The following KHDRBS2 variants were observed in gnomAD, a reference collection of about 807,000 sequenced individuals.
KHDRBS2 encodes the protein KH RNA binding domain containing, signal transduction associated 2, also known as KH domain-containing, RNA-binding, signal transduction-associated protein 2.
KHDRBS2 carries 26 observed loss-of-function variants against 44.3 expected under a neutral mutation model. The observed-to-expected ratio is 0.59, with a 90% CI of 0.43 to 0.81. The LOEUF is 0.81. Ranked by LOEUF, KHDRBS2 falls within the 40% of genes least tolerant of loss-of-function variation. The pLI, the probability that KHDRBS2 is intolerant of heterozygous loss-of-function variation, is 0.00. For missense variants in KHDRBS2, 476 were observed against 433.1 expected (o/e 1.10, Z -0.88); for synonymous variants, 194 against 151.1 (o/e 1.28, Z -2.08).
chr6:61,989,475 A>G (rs1197863547), intron 3 of KHDRBS2, among the ~76,000 whole-genome samples: 1 of 152,232 alleles, frequency 6.6e-6, no homozygotes, highest in African/African-American at 2.4e-5. Flanking sequence ...ATGTTTGACA[A>G]ATGGTGCTGT....
chr6:61,971,576 GA>G (rs1169989154), intron 4 of KHDRBS2, among the ~76,000 whole-genome samples: 1 of 152,060 alleles, frequency 6.6e-6, no homozygotes, highest in Non-Finnish European at 1.5e-5. Context: ...CTGTGAAATA[GA>G]ATCTTTGGCT....
chr6:62,202,465 G>A (rs534336599), intron 1 of KHDRBS2, among the ~76,000 whole-genome samples: 11 of 152,038 alleles, frequency 7.2e-5, no homozygotes, highest in African/African-American at 2.7e-4. Flanking sequence ...TAAGACAAAA[G>A]TATTATGCTG....
At chr6:62,171,549 G>A (rs1820005798) in intron 2 of KHDRBS2, among the ~76,000 whole-genome samples, 1 of 152,096 alleles carries the variant, frequency 6.6e-6, no homozygotes, top group African/African-American at 2.4e-5. Flanking sequence ...AACCTTGCGA[G>A]AGGCCAACAT....
intron 8 of KHDRBS2, among the ~76,000 whole-genome samples, chr6:61,693,521 G>T (rs1767586774): frequency 6.6e-6 from 1 of 152,142 alleles, no homozygotes; most frequent in South Asian, 2.1e-4. Flanking sequence ...TGTGCAAAAA[G>T]AGGAATGAAA....
At chr6:61,965,591 TAAG>T (rs1277271596) in intron 4 of KHDRBS2, among the ~76,000 whole-genome samples, 1 of 152,042 alleles carries the variant, frequency 6.6e-6, no homozygotes, top group East Asian at 1.9e-4. Context: ...TCTGATATTC[TAAG>T]AAGAGTCACT....
chr6:61,568,217 G>T, the KHDRBS2 span, among the ~76,000 whole-genome samples: 1 of 152,148 alleles, frequency 6.6e-6, no homozygotes, highest in Non-Finnish European at 1.5e-5. Flanking sequence ...TTTTATGCCA[G>T]TACTTTGTTG....
intron 6 of KHDRBS2, among the ~76,000 whole-genome samples, chr6:61,838,863 C>T (rs903029840): frequency 1.3e-5 from 2 of 152,020 alleles, no homozygotes; most frequent in Non-Finnish European, 2.9e-5. Flanking sequence ...CATACATTCG[C>T]TTGTTTTGCA....
chr6:62,168,807 T>C (rs897983656), intron 2 of KHDRBS2, among the ~76,000 whole-genome samples: 4 of 151,852 alleles, frequency 2.6e-5, no homozygotes, highest in African/African-American at 7.3e-5. Flanking sequence ...GTTCCTATGC[T>C]ACAAACAACT....
chr6:61,912,461 T>A (rs1408200091), intron 4 of KHDRBS2, among the ~76,000 whole-genome samples: 1 of 152,200 alleles, frequency 6.6e-6, no homozygotes, highest in East Asian at 1.9e-4. Flanking sequence ...TCAATGGTTG[T>A]AAATTGTATT....
At chr6:62,111,696 ATATAGTAAGAC>A (rs1320834233) in intron 2 of KHDRBS2, among the ~76,000 whole-genome samples, 1 of 152,056 alleles carries the variant, frequency 6.6e-6, no homozygotes, top group Non-Finnish European at 1.5e-5. Flanking sequence ...AACCTGGGAA[ATATAGTAAGAC>A]CCTATATCTA....
chr6:61,853,753 C>A (rs1410673168), intron 6 of KHDRBS2, among the ~76,000 whole-genome samples: 1 of 152,154 alleles, frequency 6.6e-6, no homozygotes, highest in African/African-American at 2.4e-5. Context: ...CATGAAAAAT[C>A]AAGGTGGATG....
chr6:61,703,075 A>C (rs550582477), intron 7 of KHDRBS2, among the ~76,000 whole-genome samples: 1 of 151,996 alleles, frequency 6.6e-6, no homozygotes, highest in East Asian at 1.9e-4. Flanking sequence ...AACCTTAATC[A>C]CTATATTTCT....
intron 6 of KHDRBS2, among the ~76,000 whole-genome samples, chr6:61,893,809 TA>T (rs575145811): frequency 1.3e-3 from 191 of 152,140 alleles, no homozygotes; most frequent in African/African-American, 4.5e-3. Context: ...AATGATGAGT[TA>T]ATGGGTGCAG....
intron 2 of KHDRBS2, among the ~76,000 whole-genome samples, chr6:62,072,584 ATCTATTG>A (rs1229509349): frequency 1.3e-5 from 2 of 152,166 alleles, no homozygotes; most frequent in African/African-American, 2.4e-5. Context: ...CCTTTTCTGC[ATCTATTG>A]AGATAGTCAT....
rs1449684667 is a variant in KHDRBS2 at position 61,965,908 on chromosome 6, TCA to T, written c.483+12156_483+12157del. Among the ~76,000 whole-genome samples, 4 of 152,146 alleles carry T rather than the reference TCA, an allele frequency of 2.6e-5. No individual in the cohort carries two copies. The East Asian group carries it at 7.7e-4, about 29-fold the overall frequency. Reference sequence around the variant, plus strand: ...ATAGACATTCCACAGTCAAGTTTCCTCACCTTTGTGTATATTCTTTATAATGA... The same window carrying T: ...ATAGACATTCCACAGTCAAGTTTCCTCCTTTGTGTATATTCTTTATAATGA... On this transcript the variant is annotated intron_variant, in intron 4 of 8. Coordinates refer to ENST00000281156, the MANE Select transcript of KHDRBS2 (RefSeq NM_152688.4).
In KHDRBS2 at chr6:62,081,954, T is replaced by C. The variant is rs140629931; in HGVS notation, c.220-33960A>G. Among the ~76,000 whole-genome samples the C allele has an allele frequency of 2.9e-4, 44 of 152,174 alleles. No individual in the cohort carries two copies. The East Asian group carries it at 7.5e-3, about 26-fold the overall frequency. On this transcript the variant is annotated intron_variant, in intron 2 of 8. Transcript: ENST00000281156. ...AGTATATGCATAATATTGTTGCCAGTGTTGGATGGAAATAACTAAAGGAAT... is the reference window on the plus strand; with the variant it reads ...AGTATATGCATAATATTGTTGCCAGCGTTGGATGGAAATAACTAAAGGAAT...
the KHDRBS2 span, among the ~76,000 whole-genome samples, chr6:61,567,660 A>AG: frequency 2.6e-5 from 4 of 151,676 alleles, no homozygotes; most frequent in East Asian, 1.9e-4. Context: ...CAAACAAACA[A>AG]AAAAAAGGAT....
At chr6:61,966,412 G>A (rs762147512) in intron 4 of KHDRBS2, among the ~76,000 whole-genome samples, 4 of 151,946 alleles carry the variant, frequency 2.6e-5, no homozygotes, top group South Asian at 2.1e-4. Context: ...CTATGACTGT[G>A]ATGCTTCTAG....
chr6:62,119,369 G>A (rs184935173), intron 2 of KHDRBS2, among the ~76,000 whole-genome samples: 28 of 152,248 alleles, frequency 1.8e-4, no homozygotes, highest in African/African-American at 6.7e-4. Flanking sequence ...ACAAAGTGAT[G>A]GAAGAACTCA....
Sources: gnomAD v4.1 joint callset for allele counts (sites outside exome capture counted in the v4.1 genomes callset) on GRCh38, gnomAD v4.1.1 for gene constraint, MANE v1.5 for transcripts, NCBI Gene and HGNC (gene_info 2026-07-23, HGNC 2026-07-21) for gene names.